The following SCARB2 variants were observed in gnomAD, a reference collection of about 807,000 sequenced individuals.
SCARB2 encodes lysosome membrane protein 2.
SCARB2 carries 29 observed loss-of-function variants against 58.6 expected under a neutral mutation model. The observed-to-expected ratio is 0.49, with a 90% CI of 0.37 to 0.67. SCARB2 has a LOEUF of 0.67. SCARB2 is among the 30% of genes least tolerant of loss of function. SCARB2 has a pLI of 0.00. For missense variants in SCARB2, 488 were observed against 578.5 expected (o/e 0.84, Z 1.60); for synonymous variants, 195 against 210.1 (o/e 0.93, Z 0.62).
At chr4:76,212,382 CACTT>C (rs914117974) in intron 1 of SCARB2, among the ~76,000 whole-genome samples, 5 of 152,164 alleles carry the variant, frequency 3.3e-5, no homozygotes, top group African/African-American at 7.2e-5. Context: ...TTCAGGTACT[CACTT>C]AATTACTTTT....
rs536977809 is a variant in SCARB2, at chr4:76,200,502, C to T, written c.118-4638G>A. ...AAAAACATACTTTTCAGTTAATCAC[C>T]CAATATGTACCTACTGAGAGCTTTC... On this transcript the variant is annotated intron_variant, in intron 1 of 11. Coordinates refer to ENST00000264896, the MANE Select transcript of SCARB2 (RefSeq NM_005506.4). Among the ~76,000 whole-genome samples, 5 of 152,254 alleles carry T rather than the reference C, an allele frequency of 3.3e-5. No individual in the cohort carries two copies. The South Asian group carries it at 1.0e-3, about 32-fold the overall frequency.
exon 1 of SCARB2, chr4:76,234,424 AAGAC>A (rs1423030557): frequency 6.6e-6 from 1 of 152,250 alleles, no homozygotes; most frequent in Non-Finnish European, 1.5e-5. Context: ...TTTGAATGGT[AAGAC>A]AGAATTGTAC....
chr4:76,191,939 C>A (rs1035182613), intron 2 of SCARB2: 5 of 152,104 alleles, frequency 3.3e-5, no homozygotes, highest in Non-Finnish European at 5.9e-5. Flanking sequence ...CCAGGCTAAT[C>A]TTTGTATGTT....
intron 2 of SCARB2, among the ~76,000 whole-genome samples, chr4:76,185,263 G>A (rs960502199): frequency 6.6e-6 from 1 of 152,196 alleles, no homozygotes; most frequent in African/African-American, 2.4e-5. Context: ...TGCCTGCAGA[G>A]AGGGGCATAT....
In SCARB2 at chr4:76,230,729, G is replaced by T. The variant is rs562446975; in HGVS notation, c.-358+3574C>A. On this transcript the variant is annotated intron_variant, in intron 1 of 11. Coordinates refer to the SCARB2 transcript ENST00000638295. ...GCGACCTTGGCAGTCACCACCATAG[G>T]TGTTAAAATGACTTACACTCATGAA... Among the ~76,000 whole-genome samples, 37 of 152,188 alleles carry T rather than the reference G, an allele frequency of 2.4e-4. No individual in the cohort carries two copies. In the South Asian group the frequency reaches 7.3e-3, roughly 30 times the overall value.
At chr4:76,216,259 A>G (rs1733205387), upstream of SCARB2, among the ~76,000 whole-genome samples, 1 of 151,986 alleles carries the variant, frequency 6.6e-6, no homozygotes, top group African/African-American at 2.4e-5. Flanking sequence ...CATGTCCCCT[A>G]CCTAGGCATT....
chr4:76,163,920 G>A (rs1731949213), intron 10 of SCARB2: 1 of 159,826 alleles, frequency 6.3e-6, no homozygotes, highest in Non-Finnish European at 1.4e-5. Context: ...CTTGATTAAT[G>A]CTGGCTGATT....
At position 76,213,602 on chromosome 4, in the gene SCARB2, A is replaced by G. The variant is rs1336918269; in HGVS notation, c.-59T>C. 1.4e-6 allele frequency: 2 copies of G among 1,411,766 alleles called. No homozygotes were observed. The highest frequency in any genetic ancestry group is 2.8e-5 in the African/African-American group (2 of 70,554). The allele number at this position is 1,411,766 out of a possible 1,614,324, so 87.5% of individuals were successfully genotyped here. A position where few individuals can be genotyped will look rare whatever the true frequency, so the allele number is the denominator to read the frequency against. ...ACCCGCCAGGGATCCAACTGCAAGG[A>G]GGGAGGAGCCGCCGCAGAGGCGTCG... On this transcript the variant is annotated 5_prime_UTR_variant, in exon 1 of 12. Coordinates refer to ENST00000264896, the MANE Select transcript of SCARB2 (RefSeq NM_005506.4).
At chr4:76,189,726 C>T (rs1197953541) in intron 2 of SCARB2, among the ~76,000 whole-genome samples, 11 of 152,132 alleles carry the variant, frequency 7.2e-5, no homozygotes, top group Admixed American at 7.2e-4. Context: ...CCTACCTTGA[C>T]TTCCCAAAGC....
At chr4:76,219,444 T>A (rs569981452) in intron 1 of SCARB2, among the ~76,000 whole-genome samples, 1 of 152,386 alleles carries the variant, frequency 6.6e-6, no homozygotes, top group African/African-American at 2.4e-5. Flanking sequence ...TTAAACTCAC[T>A]GTGGCAAAGC....
chr4:76,207,375 G>A (rs1019745200), intron 1 of SCARB2, among the ~76,000 whole-genome samples: 3 of 152,136 alleles, frequency 2.0e-5, no homozygotes, highest in African/African-American at 4.8e-5. Context: ...AAGAATATGA[G>A]GGGCCCAGGA....
chr4:76,181,511 T>C (rs1341630138), intron 2 of SCARB2, among the ~76,000 whole-genome samples: 7 of 152,192 alleles, frequency 4.6e-5, no homozygotes, highest in South Asian at 2.1e-4. Flanking sequence ...TTGAATTAAA[T>C]TGAAATTTTA....
intron 2 of SCARB2, among the ~76,000 whole-genome samples, chr4:76,185,746 T>C (rs1732473192): frequency 6.6e-6 from 1 of 152,218 alleles, no homozygotes; most frequent in Admixed American, 6.5e-5. Context: ...TATTGGTTCC[T>C]TCATTCACCT....
rs559461069 is a variant in SCARB2, at chr4:76,208,338, G to A, written c.117+5089C>T. 2.0e-5 allele frequency among the ~76,000 whole-genome samples: 3 copies of A among 152,294 alleles called. No individual in the cohort carries two copies. In the South Asian group the frequency reaches 6.2e-4, roughly 32 times the overall value. Reference sequence around the variant, plus strand: ...ACAAGATCGTGTTTCTAAAAGCCAGGAAAGAATTTGGATAATTTTGCTTAG... The same window carrying A: ...ACAAGATCGTGTTTCTAAAAGCCAGAAAAGAATTTGGATAATTTTGCTTAG... On this transcript the variant is annotated intron_variant, in intron 1 of 11. Transcript: ENST00000264896.
At chr4:76,225,346 GAC>G (rs1255383546) in intron 1 of SCARB2, among the ~76,000 whole-genome samples, 1 of 152,164 alleles carries the variant, frequency 6.6e-6, no homozygotes, top group African/African-American at 2.4e-5. Flanking sequence ...AGCGAACAGT[GAC>G]AGTTTGACTT....
At chr4:76,185,209 G>A (rs56986239) in intron 2 of SCARB2, among the ~76,000 whole-genome samples, 34,048 of 152,134 alleles carry the variant, frequency 0.22, 4,674 homozygotes, top group African/African-American at 0.39. Context: ...TATGGAGGAG[G>A]AGAGGAAATT....
chr4:76,165,893 G>A, intron 10 of SCARB2: 1 of 358,982 alleles, frequency 2.8e-6, no homozygotes, highest in East Asian at 6.1e-5. Flanking sequence ...TCAAAGAAGG[G>A]GGAGACAAAG....
At chr4:76,200,965 G>A (rs1732817443) in intron 1 of SCARB2, among the ~76,000 whole-genome samples, 1 of 152,166 alleles carries the variant, frequency 6.6e-6, no homozygotes, top group African/African-American at 2.4e-5. Flanking sequence ...CTTCAGAGAA[G>A]CCTGTCAAAA....
chr4:76,231,723 G>T (rs780680925), intron 1 of SCARB2, among the ~76,000 whole-genome samples: 1 of 152,142 alleles, frequency 6.6e-6, no homozygotes, highest in Non-Finnish European at 1.5e-5. Context: ...CCCAGGCATG[G>T]GTTTATCCTC....
Sources: allele counts gnomAD v4.1 joint callset (sites outside exome capture counted in the v4.1 genomes callset), GRCh38; gene constraint gnomAD v4.1.1; transcripts MANE v1.5; gene names NCBI Gene and HGNC (gene_info 2026-07-23, HGNC 2026-07-21).